Variants in GPC5 observed in about 807,000 individuals in gnomAD.
GPC5 encodes glypican 5.
GPC5 carries 47 observed loss-of-function variants against 53.9 expected under a neutral mutation model. The ratio of observed to expected loss-of-function variants is 0.87; its 90% confidence interval spans 0.69 to 1.11. The LOEUF (loss-of-function observed/expected upper bound fraction) is 1.11. Ranked by LOEUF, GPC5 falls within the 50% of genes most tolerant of loss-of-function variation. The probability of loss-of-function intolerance (pLI) is 0.00; values close to 1 mark genes in which losing one functional copy is unlikely to be tolerated. For synonymous variants in GPC5, 286 were observed against 263.3 expected (o/e 1.09, Z -0.84); for missense variants, 748 against 713.1 (o/e 1.05, Z -0.56).
intron 2 of GPC5, among the ~76,000 whole-genome samples, chr13:91,588,781 T>G (rs1414687827): frequency 2.0e-5 from 3 of 152,138 alleles, no homozygotes; most frequent in Non-Finnish European, 4.4e-5. Context: ...CATTTTCAGT[T>G]TCTTTCATTC....
intron 7 of GPC5, among the ~76,000 whole-genome samples, chr13:92,151,532 G>A (rs1566458061): frequency 6.6e-6 from 1 of 152,084 alleles, no homozygotes; most frequent in Admixed American, 6.5e-5. Flanking sequence ...TAACACTTAG[G>A]CCAGTAATGG....
chr13:92,580,903 T>C (rs951708667), intron 7 of GPC5, among the ~76,000 whole-genome samples: 1 of 152,172 alleles, frequency 6.6e-6, no homozygotes, highest in African/African-American at 2.4e-5. Context: ...ACTATACAAA[T>C]ATGCATATAC....
intron 6 of GPC5, among the ~76,000 whole-genome samples, chr13:91,975,779 C>A (rs1456322388): frequency 2.0e-5 from 3 of 152,048 alleles, no homozygotes; most frequent in African/African-American, 4.8e-5. Flanking sequence ...GGGTATATAC[C>A]CAAAGGATTA....
intron 2 of GPC5, among the ~76,000 whole-genome samples, chr13:91,602,998 TTC>T (rs1200923889): frequency 2.6e-5 from 4 of 152,216 alleles, no homozygotes; most frequent in Admixed American, 6.5e-5. Context: ...AATGAGGACT[TTC>T]TCTGTGAAAA....
chr13:92,657,254 A>G (rs555482113), intron 7 of GPC5, among the ~76,000 whole-genome samples: 71 of 152,152 alleles, frequency 4.7e-4, no homozygotes, highest in Non-Finnish European at 8.2e-4. Context: ...ATATTTAAAT[A>G]AAAAGAAAAA....
At chr13:91,824,674 A>G (rs2038548722) in intron 5 of GPC5, among the ~76,000 whole-genome samples, 1 of 151,952 alleles carries the variant, frequency 6.6e-6, no homozygotes, top group South Asian at 2.1e-4. Flanking sequence ...TTCATGGCAT[A>G]CCTCCAATAA....
At chr13:92,114,667 A>G (rs1425543140) in intron 6 of GPC5, among the ~76,000 whole-genome samples, 1 of 152,212 alleles carries the variant, frequency 6.6e-6, no homozygotes, top group East Asian at 1.9e-4. Context: ...TTCCCTGATT[A>G]GGTATACCTG....
chr13:91,586,544 A>G (rs1383383809), intron 2 of GPC5, among the ~76,000 whole-genome samples: 3 of 53,858 alleles, frequency 5.6e-5, no homozygotes, highest in East Asian at 5.6e-4. Context: ...ATATATATAT[A>G]TATATATATA....
intron 6 of GPC5, among the ~76,000 whole-genome samples, chr13:92,017,568 T>A (rs1268752600): frequency 6.6e-6 from 1 of 151,988 alleles, no homozygotes; most frequent in South Asian, 2.1e-4. Context: ...AACTCACATT[T>A]TTAAAGTTCC....
intron 6 of GPC5, among the ~76,000 whole-genome samples, chr13:92,038,715 T>C (rs2040917707): frequency 7.0e-6 from 1 of 142,990 alleles, no homozygotes; most frequent in Admixed American, 7.1e-5. Context: ...GATAGATAGA[T>C]AGTATATACA....
intron 7 of GPC5, among the ~76,000 whole-genome samples, chr13:92,593,191 A>G (rs919052820): frequency 3.3e-5 from 5 of 150,982 alleles, no homozygotes; most frequent in Admixed American, 6.6e-5. Context: ...GTCTGTTGAA[A>G]ACTGACTGTA....
At chr13:92,585,503 AT>A (rs1486241136) in intron 7 of GPC5, among the ~76,000 whole-genome samples, 1 of 152,048 alleles carries the variant, frequency 6.6e-6, no homozygotes, top group African/African-American at 2.4e-5. Flanking sequence ...CTTGCTTTTG[AT>A]TTTACAGGCT....
chr13:91,543,151 T>C (rs1390254543), intron 2 of GPC5, among the ~76,000 whole-genome samples: 2 of 151,754 alleles, frequency 1.3e-5, no homozygotes, highest in Non-Finnish European at 2.9e-5. Context: ...CCACCGAGCC[T>C]GGCCACTAAT....
At chr13:92,473,126 C>T (rs927875889) in intron 7 of GPC5, among the ~76,000 whole-genome samples, 64 of 152,124 alleles carry the variant, frequency 4.2e-4, no homozygotes, top group African/African-American at 1.5e-3. Context: ...GTGGTCTGAA[C>T]AGCACAAACC....
chr13:92,613,533 A>G (rs1332272377), intron 7 of GPC5, among the ~76,000 whole-genome samples: 2 of 126,078 alleles, frequency 1.6e-5, no homozygotes, highest in Non-Finnish European at 3.2e-5. Flanking sequence ...TAATTTATAT[A>G]TAAAATATAA....
At chr13:92,269,755 T>C (rs4562945) in intron 7 of GPC5, among the ~76,000 whole-genome samples, 52,601 of 152,022 alleles carry the variant, frequency 0.35, 9,786 homozygotes, top group African/African-American at 0.49. Flanking sequence ...CCTCTGAGTC[T>C]TCTCGTCTTG....
At position 91,579,454 on chromosome 13, in the gene GPC5, C is replaced by T. The variant is rs141829880; in HGVS notation, c.326-113733C>T. On this transcript the variant is annotated intron_variant, in intron 2 of 7. Transcript: ENST00000377067. ...CTCTTCCCTCTTGTCAGTTCTGCTA[C>T]GGCATGGAATCACACTGGACTCACC... is the stretch of plus-strand genomic sequence containing the variant. Among the ~76,000 whole-genome samples, 91 of 152,202 alleles carry T rather than the reference C, an allele frequency of 6.0e-4. 1 individual carries two copies. The highest frequency in any genetic ancestry group is 6.0e-3 in the East Asian group (31 of 5,188).
chr13:92,777,653 C>G (rs2138757429), intron 7 of GPC5, among the ~76,000 whole-genome samples: 1 of 152,300 alleles, frequency 6.6e-6, no homozygotes, highest in South Asian at 2.1e-4. Context: ...CAAGTCTTAC[C>G]TCAACTTTTC....
chr13:91,944,451 T>C (rs2039957278), intron 6 of GPC5, among the ~76,000 whole-genome samples: 4 of 152,226 alleles, frequency 2.6e-5, no homozygotes. Flanking sequence ...GTTCATACTA[T>C]TATGGGCAAA....
Sources: gnomAD v4.1 joint callset for allele counts (sites outside exome capture counted in the v4.1 genomes callset) on GRCh38, gnomAD v4.1.1 for gene constraint, MANE v1.5 for transcripts, NCBI Gene and HGNC (gene_info 2026-07-23, HGNC 2026-07-21) for gene names.